Variants in ZNF780B observed in about 807,000 individuals in gnomAD.
ZNF780B encodes zinc finger protein 779.
A neutral mutation model predicts 74.1 loss-of-function variants in ZNF780B; 52 were observed. The observed-to-expected ratio is 0.70, with a 90% CI of 0.56 to 0.88. The LOEUF (loss-of-function observed/expected upper bound fraction) is 0.88, where lower values mean the gene tolerates loss of function less well. Among genes scored for constraint, ZNF780B ranks in the 40% least tolerant of loss-of-function variants. The pLI, the probability that ZNF780B is intolerant of heterozygous loss-of-function variation, is 0.00. For synonymous variants in ZNF780B, 315 were observed against 324.3 expected (o/e 0.97, Z 0.31); for missense variants, 953 against 1,007.6 (o/e 0.95, Z 0.73).
rs1441823150 is a variant in ZNF780B at position 40,044,964 on chromosome 19, G to T, written c.232+2411C>A. 2.6e-5 allele frequency among the ~76,000 whole-genome samples: 4 copies of T among 152,052 alleles called. No homozygotes were observed. The East Asian group carries it at 7.7e-4, about 29-fold the overall frequency. ...TGCCTACAAGAAACTCTTCTCACTGGTAAAGACACATATGGATTGAAAGTA... is the reference window on the plus strand; with the variant it reads ...TGCCTACAAGAAACTCTTCTCACTGTTAAAGACACATATGGATTGAAAGTA... On this transcript the variant is annotated intron_variant, in intron 4 of 4. Transcript: ENST00000434248.
chr19:40,044,395 T>C (rs1404496315), intron 4 of ZNF780B, among the ~76,000 whole-genome samples: 2 of 152,148 alleles, frequency 1.3e-5, no homozygotes, highest in Non-Finnish European at 1.5e-5. Context: ...GAAAAGCATC[T>C]AGTCACTTAC....
At chr19:40,039,963 G>A (rs1972552317) in intron 4 of ZNF780B, among the ~76,000 whole-genome samples, 1 of 152,072 alleles carries the variant, frequency 6.6e-6, no homozygotes, top group Non-Finnish European at 1.5e-5. Context: ...CAGGAGTGGT[G>A]AGAGAGGGCA....
intron 2 of ZNF780B, among the ~76,000 whole-genome samples, chr19:40,049,696 C>T (rs1338361824): frequency 6.6e-6 from 1 of 152,166 alleles, no homozygotes; most frequent in Non-Finnish European, 1.5e-5. Flanking sequence ...ACTTATCAAA[C>T]CCACAAGACC....
chr19:40,048,093 T>C (rs1973018752), intron 3 of ZNF780B, among the ~76,000 whole-genome samples: 1 of 152,160 alleles, frequency 6.6e-6, no homozygotes, highest in Non-Finnish European at 1.5e-5. Context: ...ACTGACTTAG[T>C]GCTAAATAAG....
rs1354411504 is a variant in ZNF780B, at chr19:40,034,366, T to C, written c.2493A>G (p.Ile831Met). ...TTACATTCAAAGGTTTTCACCCAAG[T>C]ATGAATTTTCTGATGTTCAGTAAGT... ...SSNLLNIRKF[I>M]LG is the part of the protein sequence containing the mutation. The change falls in exon 5 of 5, where the codon ATA (isoleucine) becomes ATG (methionine). Residue 831 changes from isoleucine to methionine, a missense_variant. Transcript: ENST00000434248. The C allele has an allele frequency of 6.2e-7, 1 of 1,605,566 alleles. No individual in the cohort carries two copies. The highest frequency in any genetic ancestry group is 1.1e-5 in the South Asian group (1 of 90,078).
Position 40,035,435 on chromosome 19 carries a change from C to T in ZNF780B, c.1424G>A (p.Cys475Tyr). The T allele has an allele frequency of 1.2e-6, 2 of 1,614,186 alleles. No individual in the cohort carries two copies. Among genetic ancestry groups the T allele is most frequent in the South Asian group, 1.1e-5 (1 of 91,084 alleles). Reference sequence around the variant, plus strand: ...ACTAAAGGCCTTTCCACATTCTTTACATTCAAAGGGTTTCCCACCAGTATG... The same window carrying T: ...ACTAAAGGCCTTTCCACATTCTTTATATTCAAAGGGTTTCCCACCAGTATG... The part of the protein sequence containing the change: ...QIHTGGKPFE[C>Y]KECGKAFSLL... The change falls in exon 5 of 5, where the codon TGT (cysteine) becomes TAT (tyrosine). Residue 475 changes from cysteine (C) to tyrosine (Y), a missense_variant. Coordinates refer to ENST00000434248, the MANE Select transcript of ZNF780B (RefSeq NM_001005851.3).
chr19:40,054,599 A>T (rs949748562), intron 1 of ZNF780B, among the ~76,000 whole-genome samples: 4 of 152,240 alleles, frequency 2.6e-5, no homozygotes, highest in Non-Finnish European at 4.4e-5. Context: ...AATCACAATG[A>T]ATCACATATT....
intron 2 of ZNF780B, 128 bp downstream of exon 2, chr19:40,050,196 C>CAA (rs74179712): frequency 0.012 from 4,818 of 390,550 alleles, 4 homozygotes; most frequent in Admixed American, 0.029. Flanking sequence ...GACTCCGTCT[C>CAA]AAAAAAAAAA....
chr19:40,030,158 T>G lies in ZNF780B; in HGVS notation c.*4199A>C, dbSNP rs1971963718. 6.6e-6 allele frequency: 1 copy of G among 152,216 alleles called. No individual in the cohort carries two copies. Among genetic ancestry groups the G allele is most frequent in the Admixed American group, 6.5e-5 (1 of 15,280 alleles). 9.4% of individuals were successfully genotyped at this position (152,216 alleles called of 1,614,324 possible). Reference sequence around the variant, plus strand: ...TGGGTTATTAATAAAGAAAGAGGTTTATTTGGCTCAGTGTTCTGTAGGATT... The same window carrying G: ...TGGGTTATTAATAAAGAAAGAGGTTGATTTGGCTCAGTGTTCTGTAGGATT... On this transcript the variant is annotated 3_prime_UTR_variant, in exon 5 of 5. Coordinates refer to ENST00000434248, the MANE Select transcript of ZNF780B (RefSeq NM_001005851.3).
At chr19:40,045,907 G>A (rs1315768411) in intron 4 of ZNF780B, among the ~76,000 whole-genome samples, 1 of 152,140 alleles carries the variant, frequency 6.6e-6, no homozygotes, top group African/African-American at 2.4e-5. Context: ...AGAATTGCTT[G>A]AACCCAGGAG....
intron 2 of ZNF780B, 86 bp from the exon 3 acceptor site, chr19:40,048,882 A>G: frequency 1.3e-6 from 2 of 1,579,286 alleles, no homozygotes; most frequent in East Asian, 2.2e-5. Flanking sequence ...TTAAACTGCA[A>G]TAAAGGAGCA....
chr19:40,054,986 A>G (rs528780040), intron 1 of ZNF780B, among the ~76,000 whole-genome samples: 1 of 152,332 alleles, frequency 6.6e-6, no homozygotes, highest in Non-Finnish European at 1.5e-5. Flanking sequence ...TTTCTGTGCA[A>G]TCACTTTCCG....
intron 4 of ZNF780B, 163 bp downstream of exon 4, chr19:40,047,212 A>C: frequency 1.5e-6 from 1 of 655,982 alleles, no homozygotes; most frequent in South Asian, 1.6e-5. Flanking sequence ...TCCTACAGTG[A>C]TCTTATTTCC....
Position 40,036,158 on chromosome 19 carries a change from G to T in ZNF780B, c.701C>A (p.Thr234Asn). ...KECGKAFNLP[T>N]QLNRHKNIHT... is the part of the protein sequence containing the mutation. ...AATGTTCTTATGGCGATTAAGCTGG[G>T]TGGGAAGATTAAAGGCTTTTCCACA... Residue 234 changes from threonine (T) to asparagine (N), a missense_variant, in exon 5 of 5, where the codon ACC (threonine) becomes AAC (asparagine). By Grantham distance (65) the Thr-to-Asn change is moderately conservative. Transcript: ENST00000434248. 6.2e-7 allele frequency: 1 copy of T among 1,613,928 alleles called. No homozygotes were observed. The highest frequency in any genetic ancestry group is 8.5e-7 in the Non-Finnish European group (1 of 1,179,968).
chr19:40,049,696 C>G (rs1338361824), intron 2 of ZNF780B, among the ~76,000 whole-genome samples: 1 of 152,166 alleles, frequency 6.6e-6, no homozygotes, highest in Non-Finnish European at 1.5e-5. Flanking sequence ...ACTTATCAAA[C>G]CCACAAGACC....
Position 40,033,064 on chromosome 19 carries a change from A to T in ZNF780B, c.*1293T>A, listed in dbSNP as rs999163639. 1 of 152,448 alleles carries T rather than the reference A, an allele frequency of 6.6e-6. No individual in the cohort carries two copies. Among genetic ancestry groups the T allele is most frequent in the Non-Finnish European group, 1.5e-5 (1 of 68,202 alleles). The allele number at this position is 152,448 out of a possible 1,614,324, so 9.4% of individuals were successfully genotyped here. ...TTACTATTCTTTCAAAACCCACAAC[A>T]ATTATCAACTAGGTTCACCATCTTT... On this transcript the variant is annotated 3_prime_UTR_variant, in exon 5 of 5. Coordinates refer to ENST00000434248, the MANE Select transcript of ZNF780B (RefSeq NM_001005851.3).
intron 4 of ZNF780B, among the ~76,000 whole-genome samples, chr19:40,044,403 T>C (rs1162981762): frequency 6.6e-6 from 1 of 152,174 alleles, no homozygotes; most frequent in African/African-American, 2.4e-5. Context: ...TCTAGTCACT[T>C]ACAAGGAAAC....
chr19:40,035,993 C>G lies in ZNF780B; in HGVS notation c.866G>C (p.Gly289Ala). Residue 289 changes from glycine to alanine, a missense_variant, in exon 5 of 5, where the codon GGT (glycine) becomes GCT (alanine). By Grantham distance (60) the Gly-to-Ala change is moderately conservative. Transcript: ENST00000434248. ...CKECGKAFNRGSNLIQHQKIH... is the reference protein window; with the variant it reads ...CKECGKAFNRASNLIQHQKIH... ...TTTTTGATGCTGAATAAGATTTGAA[C>G]CACGATTAAAGGCTTTCCCACACTC... The G allele has an allele frequency of 1.9e-6, 3 of 1,613,896 alleles. No individual in the cohort carries two copies. The highest frequency in any genetic ancestry group is 2.5e-6 in the Non-Finnish European group (3 of 1,179,976).
intron 4 of ZNF780B, among the ~76,000 whole-genome samples, chr19:40,038,050 C>T (rs1347371082): frequency 1.3e-5 from 2 of 152,148 alleles, no homozygotes; most frequent in African/African-American, 4.8e-5. Flanking sequence ...TCTCCTAATG[C>T]TATCCCTCCC....
Sources: gnomAD v4.1 joint callset for allele counts (sites outside exome capture counted in the v4.1 genomes callset) on GRCh38, gnomAD v4.1.1 for gene constraint, MANE v1.5 for transcripts, NCBI Gene and HGNC (gene_info 2026-07-23, HGNC 2026-07-21) for gene names.